The following RGS3 variants were observed in gnomAD, a reference collection of about 807,000 sequenced individuals.
RGS3 encodes regulator of G protein signaling 3, also known as regulator of G-protein signalling 3.
Under a neutral mutation model 132.6 loss-of-function variants are expected in RGS3, and 80 were observed. The observed-to-expected ratio is 0.60, with a 90% CI of 0.50 to 0.73. The LOEUF (loss-of-function observed/expected upper bound fraction) is 0.73, where lower values mean the gene tolerates loss of function less well. RGS3 is among the 30% of genes least tolerant of loss of function. The pLI is 0.00. For missense variants in RGS3, 1,382 were observed against 1,530.8 expected, an observed-to-expected ratio of 0.90 and a Z score of 1.62; for synonymous variants, 598 against 620.6, an observed-to-expected ratio of 0.96 and a Z score of 0.54.
intron 14 of RGS3, among the ~76,000 whole-genome samples, chr9:113,512,864 G>A (rs1831467226): frequency 6.6e-6 from 1 of 152,146 alleles, no homozygotes; most frequent in African/African-American, 2.4e-5. Context: ...TAGCGACTTT[G>A]TGTTTTGTCC....
At chr9:113,538,765 CATGGAGA>C (rs1832784746) in intron 19 of RGS3, among the ~76,000 whole-genome samples, 1 of 152,160 alleles carries the variant, frequency 6.6e-6, no homozygotes, top group African/African-American at 2.4e-5. Flanking sequence ...ACGCGTGTTC[CATGGAGA>C]AGCTGTGTGC....
intron 19 of RGS3, among the ~76,000 whole-genome samples, chr9:113,573,923 GCTTTGGAGTCAGGCAGA>G (rs2118904875): frequency 6.6e-6 from 1 of 152,344 alleles, no homozygotes; most frequent in East Asian, 1.9e-4. Context: ...AAAGAGCAGG[GCTTTGGAGTCAGGCAGA>G]CCATGGTTTC....
At chr9:113,584,489 G>T in intron 20 of RGS3, 62 bp downstream of exon 18, 1 of 1,459,646 alleles carries the variant, frequency 6.9e-7, no homozygotes, top group Non-Finnish European at 9.0e-7. Context: ...TGGCCCAGGG[G>T]CTGCAGGGAA....
chr9:113,571,322 T>C (rs1326098323), intron 19 of RGS3, among the ~76,000 whole-genome samples: 2 of 152,236 alleles, frequency 1.3e-5, no homozygotes, highest in African/African-American at 4.8e-5. Flanking sequence ...GTAAATACCA[T>C]GATATTATTT....
intron 17 of RGS3, among the ~76,000 whole-genome samples, chr9:113,527,671 C>T (rs1832274241): frequency 6.6e-6 from 1 of 152,298 alleles, no homozygotes; most frequent in Non-Finnish European, 1.5e-5. Context: ...AGCTTTGTCT[C>T]AGAACTGCCC....
At chr9:113,446,222 A>G (rs928080312) in intron 1 of RGS3, among the ~76,000 whole-genome samples, 6 of 152,192 alleles carry the variant, frequency 3.9e-5, no homozygotes, top group African/African-American at 1.2e-4. Flanking sequence ...CCATTGACAT[A>G]AGGTACCAGG....
chr9:113,478,969 AG>A (rs1233441943), intron 3 of RGS3: 1 of 162,462 alleles, frequency 6.2e-6, no homozygotes, highest in African/African-American at 2.4e-5. Flanking sequence ...TGAACATTTC[AG>A]GTGTTTCCAG....
intron 7 of RGS3, among the ~76,000 whole-genome samples, chr9:113,490,924 TTATA>T (rs1468486626): frequency 3.0e-5 from 4 of 131,476 alleles, no homozygotes; most frequent in African/African-American, 8.9e-5. Flanking sequence ...GTATATATAA[TTATA>T]TATAACCTAA....
intron 3 of RGS3, among the ~76,000 whole-genome samples, chr9:113,477,683 G>A (rs893394873): frequency 1.3e-5 from 2 of 152,148 alleles, no homozygotes; most frequent in East Asian, 1.9e-4. Flanking sequence ...AACTAGATCC[G>A]GGCAATGAAA....
intron 19 of RGS3, among the ~76,000 whole-genome samples, chr9:113,574,070 A>G (rs373510985): frequency 8.5e-5 from 13 of 152,356 alleles, no homozygotes; most frequent in African/African-American, 3.1e-4. Context: ...AGTAGAGCCT[A>G]AAGTATAAAA....
intron 14 of RGS3, among the ~76,000 whole-genome samples, 192 bp from the exon 13 acceptor site, chr9:113,514,266 G>A (rs938793527): frequency 3.3e-5 from 5 of 152,152 alleles, no homozygotes; most frequent in African/African-American, 9.7e-5. Flanking sequence ...ACTAGAGTGC[G>A]AGGGAATTCC....
rs1831740514 is a variant in RGS3 at position 113,517,528 on chromosome 9, G to A, written c.1675-13G>A. On this transcript the variant is annotated splice_polypyrimidine_tract_variant and intron_variant, in intron 15 of 24. Transcript: ENST00000350696. ...TCTTTTTGAACTGCCCACTCAGCCT[G>A]CTTTATTTCCAGCCTCTAGATCTCT... 4 of 1,611,658 alleles carry A rather than the reference G, an allele frequency of 2.5e-6. No homozygotes were observed. Among genetic ancestry groups the A allele is most frequent in the Non-Finnish European group, 3.4e-6 (4 of 1,179,126 alleles).
At chr9:113,479,654 CT>C (rs1830100818) in intron 4 of RGS3, 113 bp downstream of exon 2, 1 of 942,794 alleles carries the variant, frequency 1.1e-6, no homozygotes, top group African/African-American at 1.6e-5. Flanking sequence ...TTTTCTCATC[CT>C]TGTATAAAGG....
At chr9:113,494,938 C>A (rs980062746) in intron 7 of RGS3, among the ~76,000 whole-genome samples, 2 of 151,960 alleles carry the variant, frequency 1.3e-5, no homozygotes, top group African/African-American at 2.4e-5. Flanking sequence ...TGCAGTGGTG[C>A]GATCTTGGCT....
chr9:113,569,724 A>G (rs1834199345), intron 19 of RGS3, among the ~76,000 whole-genome samples: 1 of 151,340 alleles, frequency 6.6e-6, no homozygotes, highest in African/African-American at 2.4e-5. Flanking sequence ...AAAAGGCCCA[A>G]TCTTTAATCT....
intron 1 of RGS3, among the ~76,000 whole-genome samples, chr9:113,447,144 C>A (rs970579609): frequency 2.0e-5 from 3 of 150,430 alleles, no homozygotes; most frequent in Non-Finnish European, 4.4e-5. Flanking sequence ...TGCCTGTAGT[C>A]CCAGCTACTT....
At chr9:113,581,024 G>A (rs41306508) in intron 19 of RGS3, 1 of 958,198 alleles carries the variant, frequency 1.0e-6, no homozygotes, top group Non-Finnish European at 1.2e-6. Context: ...CTGGGCCAGG[G>A]GGTGGGTCGG....
At chr9:113,582,478 T>A (rs954143465) in intron 19 of RGS3, 4 of 152,378 alleles carry the variant, frequency 2.6e-5, no homozygotes, top group Non-Finnish European at 5.9e-5. Context: ...AGACAGAACC[T>A]GGGCTCTAAA....
intron 19 of RGS3, chr9:113,570,209 G>A (rs1471044171): frequency 6.6e-6 from 1 of 152,220 alleles, no homozygotes; most frequent in African/African-American, 2.4e-5. Context: ...AATGGATTCT[G>A]TGTCCTGATA....
Sources: gnomAD v4.1 joint callset for allele counts (sites outside exome capture counted in the v4.1 genomes callset) on GRCh38, gnomAD v4.1.1 for gene constraint, MANE v1.5 for transcripts, NCBI Gene and HGNC (gene_info 2026-07-23, HGNC 2026-07-21) for gene names.